ST6GALNAC5: variants seen among roughly 807,000 people sequenced by gnomAD.
ST6GALNAC5 encodes ST6 N-acetylgalactosaminide alpha-2,6-sialyltransferase 5, also known as alpha-N-acetylgalactosaminide alpha-2,6-sialyltransferase 5.
ST6GALNAC5 carries 27 observed loss-of-function variants against 33.6 expected under a neutral mutation model. The observed-to-expected ratio is 0.80, with a 90% CI of 0.59 to 1.11. The LOEUF is 1.11. ST6GALNAC5 is among the 50% of genes least tolerant of loss of function. The pLI is 0.00. For missense variants in ST6GALNAC5, 428 were observed against 454.0 expected (o/e 0.94, Z 0.52); for synonymous variants, 194 against 171.2 (o/e 1.13, Z -1.04).
chr1:77,065,720 C>T lies in ST6GALNAC5; in HGVS notation c.*2514C>T, dbSNP rs1189015426. ...TAAACTCTGATATAAAAGATGACTA[C>T]AGAACCATGTTTATAGACCTCGGTG... On this transcript the variant is annotated 3_prime_UTR_variant, in exon 5 of 5. Coordinates refer to ENST00000477717, the MANE Select transcript of ST6GALNAC5 (RefSeq NM_030965.3). 6.6e-6 allele frequency: 1 copy of T among 152,212 alleles called. No homozygotes were observed. The highest frequency in any genetic ancestry group is 2.4e-5 in the African/African-American group (1 of 41,462). 9.4% of individuals were successfully genotyped at this position (152,212 alleles called of 1,614,324 possible). A position where few individuals can be genotyped will look rare whatever the true frequency, so the allele number is the denominator to read the frequency against.
chr1:77,002,425 T>C (rs2100411824), intron 2 of ST6GALNAC5, among the ~76,000 whole-genome samples: 1 of 152,318 alleles, frequency 6.6e-6, no homozygotes, highest in South Asian at 2.1e-4. Flanking sequence ...ATTTTGTTGC[T>C]CCTTTCAAAA....
chr1:76,879,649 G>A (rs1653732172), intron 2 of ST6GALNAC5, among the ~76,000 whole-genome samples: 1 of 152,188 alleles, frequency 6.6e-6, no homozygotes, highest in East Asian at 1.9e-4. Context: ...GTGCCTCAGG[G>A]AGGCCATCAC....
intron 2 of ST6GALNAC5, among the ~76,000 whole-genome samples, chr1:76,990,148 G>C (rs2100394453): frequency 6.6e-6 from 1 of 152,254 alleles, no homozygotes; most frequent in South Asian, 2.1e-4. Context: ...AGAGAAGTTT[G>C]GAGAAGGCTG....
chr1:77,001,782 T>A (rs2100410719), intron 2 of ST6GALNAC5, among the ~76,000 whole-genome samples: 1 of 149,376 alleles, frequency 6.7e-6, no homozygotes, highest in South Asian at 2.2e-4. Context: ...GTTTATATGC[T>A]GGATTACATT....
In ST6GALNAC5 at chr1:76,999,583, G is replaced by A. The variant is rs530030148; in HGVS notation, c.262-44621G>A. On this transcript the variant is annotated intron_variant, in intron 2 of 4. Coordinates refer to ENST00000477717, the MANE Select transcript of ST6GALNAC5 (RefSeq NM_030965.3). ...TATACATGTGCCATGCTGGTGCGCTGCACCCACTAACTCATCATCTAGCAT... is the reference window on the plus strand; with the variant it reads ...TATACATGTGCCATGCTGGTGCGCTACACCCACTAACTCATCATCTAGCAT... Among the ~76,000 whole-genome samples, 182 of 150,910 alleles carry A rather than the reference G, an allele frequency of 1.2e-3. 3 individuals are homozygous for A. In the South Asian group the frequency reaches 0.019, roughly 16 times the overall value.
rs989821254 is a variant in ST6GALNAC5 at position 76,970,170 on chromosome 1, G to A, written c.262-74034G>A. On this transcript the variant is annotated intron_variant, in intron 2 of 4. Coordinates refer to ENST00000477717, the MANE Select transcript of ST6GALNAC5 (RefSeq NM_030965.3). The stretch of plus-strand genomic sequence containing the variant: ...CTCCTCCAAAGGATTGCAGCCCCTC[G>A]CCAGCAACAGAACAAAGCTGGATGG... 5.3e-5 allele frequency among the ~76,000 whole-genome samples: 8 copies of A among 151,936 alleles called. No homozygotes were observed. The East Asian group carries it at 5.8e-4, about 11-fold the overall frequency.
chr1:77,020,011 T>C (rs1406891752), intron 2 of ST6GALNAC5, among the ~76,000 whole-genome samples: 1 of 152,214 alleles, frequency 6.6e-6, no homozygotes, highest in East Asian at 1.9e-4. Flanking sequence ...CATGAAAACC[T>C]GTCAGACTGG....
intron 3 of ST6GALNAC5, among the ~76,000 whole-genome samples, chr1:77,046,986 T>G (rs1652035232): frequency 1.3e-5 from 2 of 152,222 alleles, no homozygotes; most frequent in South Asian, 4.1e-4. Context: ...GCTCACTAAA[T>G]TCACTAAATA....
chr1:76,881,093 G>A (rs1177777466), intron 2 of ST6GALNAC5, among the ~76,000 whole-genome samples: 1 of 152,088 alleles, frequency 6.6e-6, no homozygotes, highest in Admixed American at 6.5e-5. Flanking sequence ...GCTGTGTAGG[G>A]TCTTAAGTAT....
intron 2 of ST6GALNAC5, among the ~76,000 whole-genome samples, chr1:77,033,810 G>A (rs1243614438): frequency 1.3e-5 from 2 of 152,112 alleles, no homozygotes; most frequent in Non-Finnish European, 2.9e-5. Flanking sequence ...TAGAGAGTAG[G>A]GTGGGGAGTG....
At chr1:77,006,922 A>G (rs1302164574) in intron 2 of ST6GALNAC5, among the ~76,000 whole-genome samples, 2 of 152,212 alleles carry the variant, frequency 1.3e-5, no homozygotes, top group Non-Finnish European at 2.9e-5. Context: ...TATAGGCTGA[A>G]GCAATGGCGT....
intron 2 of ST6GALNAC5, among the ~76,000 whole-genome samples, chr1:76,874,389 T>C (rs571824877): frequency 6.6e-6 from 1 of 152,344 alleles, no homozygotes; most frequent in South Asian, 2.1e-4. Context: ...TAATTCATTG[T>C]ACTAGTCAGG....
chr1:76,985,590 G>A (rs1649461167), intron 2 of ST6GALNAC5, among the ~76,000 whole-genome samples: 1 of 152,112 alleles, frequency 6.6e-6, no homozygotes, highest in Non-Finnish European at 1.5e-5. Context: ...ACTGCCCAGG[G>A]TAATTTATAG....
chr1:76,868,463 C>A lies in ST6GALNAC5; in HGVS notation c.16-34C>A, dbSNP rs935473256. Reference sequence around the variant, plus strand: ...GCGCTCCTCCGGTGTCTGCGCTCAGCCGCTCTCCTCTTCTCTCTCCCGCCC... The same window carrying A: ...GCGCTCCTCCGGTGTCTGCGCTCAGACGCTCTCCTCTTCTCTCTCCCGCCC... On this transcript the variant is annotated intron_variant, in intron 1 of 4. Coordinates refer to ENST00000477717, the MANE Select transcript of ST6GALNAC5 (RefSeq NM_030965.3). This position sits in a 1 kb window ranked among gnomAD's most constrained non-coding sequence, Gnocchi z 4.3. The A allele has an allele frequency of 3.8e-6, 6 of 1,579,480 alleles. No individual in the cohort carries two copies. Among genetic ancestry groups the A allele is most frequent in the Non-Finnish European group, 5.2e-6 (6 of 1,159,710 alleles).
intron 2 of ST6GALNAC5, among the ~76,000 whole-genome samples, chr1:77,008,415 G>T (rs1199049344): frequency 6.6e-6 from 1 of 152,170 alleles, no homozygotes; most frequent in African/African-American, 2.4e-5. Flanking sequence ...TCTATAAAAT[G>T]GGATAATAAC....
chr1:76,923,393 A>G (rs1035721671), intron 2 of ST6GALNAC5, among the ~76,000 whole-genome samples: 1 of 152,056 alleles, frequency 6.6e-6, no homozygotes, highest in African/African-American at 2.4e-5. Context: ...ACTGGAGATG[A>G]GTAAAAGGAT....
chr1:76,902,235 G>C (rs1242529590), intron 2 of ST6GALNAC5, among the ~76,000 whole-genome samples: 13 of 151,976 alleles, frequency 8.6e-5, no homozygotes, highest in Non-Finnish European at 1.3e-4. Flanking sequence ...TGAAATAAAT[G>C]ATCTGAAAAT....
chr1:76,995,093 T>G (rs1649877105), intron 2 of ST6GALNAC5, among the ~76,000 whole-genome samples: 1 of 152,166 alleles, frequency 6.6e-6, no homozygotes, highest in Non-Finnish European at 1.5e-5. Context: ...TAGGTTTACA[T>G]TATATAAAAT....
chr1:76,949,220 G>T (rs1007848722), intron 2 of ST6GALNAC5, among the ~76,000 whole-genome samples: 3 of 152,094 alleles, frequency 2.0e-5, no homozygotes, highest in Non-Finnish European at 2.9e-5. Flanking sequence ...CCAAAGCTTT[G>T]CTCTTCTCAT....
Sources: allele counts gnomAD v4.1 joint callset (sites outside exome capture counted in the v4.1 genomes callset), GRCh38; gene constraint gnomAD v4.1.1; non-coding constraint Gnocchi (gnomAD v3.1); transcripts MANE v1.5; gene names NCBI Gene and HGNC (gene_info 2026-07-23, HGNC 2026-07-21).